VAT1L: variants seen among roughly 807,000 people sequenced by gnomAD.
VAT1L encodes the protein putative NADPH-dependent quinone oxidoreductase VAT1L.
In VAT1L, 34 loss-of-function variants were observed where a neutral mutation model predicts 44.1. That is an observed-to-expected ratio of 0.77 (90% CI 0.59 to 1.03). VAT1L has a LOEUF of 1.03. VAT1L is among the 50% of genes least tolerant of loss of function. The probability of loss-of-function intolerance (pLI) is 0.00; values close to 1 mark genes in which losing one functional copy is unlikely to be tolerated. For synonymous variants in VAT1L, 253 were observed against 202.2 expected (o/e 1.25, Z -2.13); for missense variants, 615 against 538.8 (o/e 1.14, Z -1.40).
intron 7 of VAT1L, among the ~76,000 whole-genome samples, chr16:77,905,801 T>C (rs74025083): frequency 0.031 from 4,661 of 152,280 alleles, 244 homozygotes; most frequent in African/African-American, 0.11. Context: ...GCCTGCAGTG[T>C]TGAGAAACAT....
At chr16:77,870,230 G>A (rs1470210479) in intron 4 of VAT1L, among the ~76,000 whole-genome samples, 1 of 152,138 alleles carries the variant, frequency 6.6e-6, no homozygotes, top group Non-Finnish European at 1.5e-5. Context: ...TCTATAAGAA[G>A]CCTATCGCGT....
chr16:77,943,804 G>C (rs1249522728), intron 7 of VAT1L, among the ~76,000 whole-genome samples: 1 of 152,172 alleles, frequency 6.6e-6, no homozygotes, highest in Non-Finnish European at 1.5e-5. Context: ...CAAGAGCATA[G>C]GGCTCTCACA....
At chr16:77,907,836 T>G (rs2017454102) in intron 7 of VAT1L, among the ~76,000 whole-genome samples, 1 of 152,176 alleles carries the variant, frequency 6.6e-6, no homozygotes, top group African/African-American at 2.4e-5. Context: ...CAAAAGCCCT[T>G]AGCTATGTTT....
At position 77,829,247 on chromosome 16, in the gene VAT1L, C is replaced by T. The variant is rs912772624; in HGVS notation, c.579+3786C>T. Among the ~76,000 whole-genome samples, 14 of 152,128 alleles carry T rather than the reference C, an allele frequency of 9.2e-5. 1 individual carries two copies. The highest frequency in any genetic ancestry group is 6.5e-4 in the Admixed American group (10 of 15,268). On this transcript the variant is annotated intron_variant, in intron 3 of 8. Coordinates refer to ENST00000302536, the MANE Select transcript of VAT1L (RefSeq NM_020927.3). Reference sequence around the variant, plus strand: ...GTTTTCAAGATCCAAAAGACGGGCCCAGGTACATATTTGCTAACTTGGTGT... The same window carrying T: ...GTTTTCAAGATCCAAAAGACGGGCCTAGGTACATATTTGCTAACTTGGTGT...
intron 7 of VAT1L, among the ~76,000 whole-genome samples, chr16:77,962,035 T>A (rs545202178): frequency 4.9e-4 from 75 of 152,228 alleles, no homozygotes; most frequent in African/African-American, 1.5e-3. Context: ...CATCTCTAAT[T>A]CTTTCTCTCC....
At chr16:77,851,527 C>G (rs540838242) in intron 3 of VAT1L, among the ~76,000 whole-genome samples, 1 of 152,020 alleles carries the variant, frequency 6.6e-6, no homozygotes, top group Non-Finnish European at 1.5e-5. Context: ...GTGGCAAGTG[C>G]CTGTAGTTCC....
chr16:77,903,131 G>C (rs990599094), intron 7 of VAT1L, among the ~76,000 whole-genome samples: 2 of 152,002 alleles, frequency 1.3e-5, no homozygotes, highest in African/African-American at 4.8e-5. Context: ...CATCTCCTGG[G>C]TTTAGTCTCA....
rs1425928052 is a variant in VAT1L, at chr16:77,979,313, G to A, written c.*1618G>A. On this transcript the variant is annotated 3_prime_UTR_variant, in exon 9 of 9. Transcript: ENST00000302536. ...GCTTTCATCTGAGGAACCAAGGGGT[G>A]AGAGTATCCCAAAGGAGGACACCAG... 6.6e-6 allele frequency: 1 copy of A among 152,364 alleles called. No individual in the cohort carries two copies. Among genetic ancestry groups the A allele is most frequent in the African/African-American group, 2.4e-5 (1 of 41,444 alleles). The allele number at this position is 152,364 out of a possible 1,614,324, so 9.4% of individuals were successfully genotyped here.
At chr16:77,794,584 C>T (rs764735544) in intron 1 of VAT1L, among the ~76,000 whole-genome samples, 1 of 152,170 alleles carries the variant, frequency 6.6e-6, no homozygotes, top group South Asian at 2.1e-4. Context: ...AAGGTTGATG[C>T]AATGAAAGGT....
intron 7 of VAT1L, among the ~76,000 whole-genome samples, chr16:77,929,936 C>G (rs2017710495): frequency 6.6e-6 from 1 of 152,136 alleles, no homozygotes; most frequent in Non-Finnish European, 1.5e-5. Context: ...CTAGCCTGGG[C>G]AACACAGCGA....
rs184717616 is a variant in VAT1L, at chr16:77,968,486, G to A, written c.1078-3364G>A. On this transcript the variant is annotated intron_variant, in intron 7 of 8. Transcript: ENST00000302536. ...CACGCCTGTAATCCCAGCACTTTGGGAGGCCAAGGCAGGCGGATCACAAAG... is the reference window on the plus strand; with the variant it reads ...CACGCCTGTAATCCCAGCACTTTGGAAGGCCAAGGCAGGCGGATCACAAAG... Among the ~76,000 whole-genome samples the A allele has an allele frequency of 1.4e-3, 219 of 152,308 alleles. 1 individual carries two copies. Among genetic ancestry groups the A allele is most frequent in the African/African-American group, 3.8e-3 (158 of 41,576 alleles).
chr16:77,899,322 G>C (rs1336681622), intron 7 of VAT1L, among the ~76,000 whole-genome samples: 2 of 152,200 alleles, frequency 1.3e-5, no homozygotes. Context: ...ACTTTGTCCT[G>C]AGCTCTTCAA....
chr16:77,913,405 G>A (rs770820620), intron 7 of VAT1L, among the ~76,000 whole-genome samples: 6 of 151,330 alleles, frequency 4.0e-5, no homozygotes, highest in Non-Finnish European at 8.8e-5. Flanking sequence ...GCAAACTCCT[G>A]CCCCCACATT....
At chr16:77,842,213 G>C (rs2016714641) in intron 3 of VAT1L, among the ~76,000 whole-genome samples, 2 of 152,156 alleles carry the variant, frequency 1.3e-5, no homozygotes, top group African/African-American at 2.4e-5. Context: ...AACCAGTCTG[G>C]TTGCTCTTTT....
At chr16:77,851,359 G>A (rs1254979084) in intron 3 of VAT1L, among the ~76,000 whole-genome samples, 1 of 152,176 alleles carries the variant, frequency 6.6e-6, no homozygotes, top group East Asian at 1.9e-4. Flanking sequence ...AGTAAGAAGA[G>A]CAGAGCTGGC....
At chr16:77,865,959 T>C (rs754938255) in intron 4 of VAT1L, among the ~76,000 whole-genome samples, 1 of 152,158 alleles carries the variant, frequency 6.6e-6, no homozygotes, top group Non-Finnish European at 1.5e-5. Flanking sequence ...ACATCACTGG[T>C]GTCTGCTGAT....
rs569453822 is a variant in VAT1L at position 77,882,348 on chromosome 16, G to A, written c.883-2260G>A. On this transcript the variant is annotated intron_variant, in intron 6 of 8. Transcript: ENST00000302536. ...ATGCTATTTTCTTTCACACCATAAC[G>A]ATGATGATACTAATAGAAGAAGTTA... The A allele has an allele frequency of 1.5e-3, 230 of 152,316 alleles. 1 individual carries two copies. The highest frequency in any genetic ancestry group is 5.2e-3 in the African/African-American group (218 of 41,570). 9.4% of individuals were successfully genotyped at this position (152,316 alleles called of 1,614,324 possible). A position where few individuals can be genotyped will look rare whatever the true frequency, so the allele number is the denominator to read the frequency against.
At chr16:77,933,309 A>C (rs1215303423) in intron 7 of VAT1L, among the ~76,000 whole-genome samples, 1 of 152,252 alleles carries the variant, frequency 6.6e-6, no homozygotes, top group African/African-American at 2.4e-5. Flanking sequence ...TGACAAAGCC[A>C]GACTCAAACC....
chr16:77,836,719 T>C (rs1268045558), intron 3 of VAT1L, among the ~76,000 whole-genome samples: 2 of 152,332 alleles, frequency 1.3e-5, no homozygotes, highest in African/African-American at 4.8e-5. Flanking sequence ...CCTCTTCCAA[T>C]CCACGTCTAT....
Sources: gnomAD v4.1 joint callset for allele counts (sites outside exome capture counted in the v4.1 genomes callset) on GRCh38, gnomAD v4.1.1 for gene constraint, MANE v1.5 for transcripts, NCBI Gene and HGNC (gene_info 2026-07-23, HGNC 2026-07-21) for gene names.